Variants in TNNI3K observed in about 807,000 individuals in gnomAD.
The protein encoded by TNNI3K is serine/threonine-protein kinase TNNI3K.
TNNI3K carries 140 observed loss-of-function variants against 114.5 expected under a neutral mutation model. The observed-to-expected ratio is 1.22, with a 90% CI of 1.07 to 1.41. The LOEUF (loss-of-function observed/expected upper bound fraction) is 1.41. TNNI3K is among the 40% of genes most tolerant of loss of function. TNNI3K has a pLI of 0.00. For missense variants in TNNI3K, 1,125 were observed against 1,007.6 expected, an observed-to-expected ratio of 1.12 and a Z score of -1.58; for synonymous variants, 347 against 347.5, an observed-to-expected ratio of 1.00 and a Z score of 0.02.
At chr1:74,265,907 G>GA (rs35077290) in intron 4 of TNNI3K, among the ~76,000 whole-genome samples, 151,626 of 152,030 alleles carry the variant, frequency 1, 75,613 homozygotes, top group Middle Eastern at 1. Context: ...GAATGGAAGG[G>GA]AAAATACACA....
At chr1:74,471,878 A>C (rs1252686516) in intron 21 of TNNI3K, 3 of 454,582 alleles carry the variant, frequency 6.6e-6, no homozygotes, top group Non-Finnish European at 3.9e-6. Context: ...TAATCTTCAA[A>C]TTGCTCACAG....
At chr1:74,490,151 T>G (rs1668990069) in intron 22 of TNNI3K, among the ~76,000 whole-genome samples, 1 of 151,770 alleles carries the variant, frequency 6.6e-6, no homozygotes, top group Admixed American at 6.6e-5. Context: ...TGGCTCTGTC[T>G]CATGACTCTT....
chr1:74,250,054 A>G (rs530521950), intron 3 of TNNI3K, among the ~76,000 whole-genome samples: 3 of 152,224 alleles, frequency 2.0e-5, no homozygotes, highest in African/African-American at 4.8e-5. Context: ...GGCCTGTAAT[A>G]GCCACTCAGT....
chr1:74,523,644 G>T (rs999263247), intron 23 of TNNI3K, among the ~76,000 whole-genome samples: 2 of 152,194 alleles, frequency 1.3e-5, no homozygotes, highest in African/African-American at 4.8e-5. Context: ...CCTACTGTAT[G>T]CCAGGCCCTG....
intron 20 of TNNI3K, among the ~76,000 whole-genome samples, chr1:74,448,255 T>G (rs1477418961): frequency 1.2e-5 from 1 of 80,662 alleles, no homozygotes. Flanking sequence ...AAACTTAGAG[T>G]ATAATAAAAA....
chr1:74,337,908 G>A (rs971940806), intron 7 of TNNI3K, among the ~76,000 whole-genome samples: 1 of 151,998 alleles, frequency 6.6e-6, no homozygotes, highest in Non-Finnish European at 1.5e-5. Context: ...GTTTATGATT[G>A]CATGAATATA....
At chr1:74,348,108 T>C (rs1661120199) in intron 9 of TNNI3K, among the ~76,000 whole-genome samples, 2 of 152,144 alleles carry the variant, frequency 1.3e-5, no homozygotes, top group African/African-American at 4.8e-5. Context: ...CTAGGTTTTC[T>C]TCTAGGGTTT....
chr1:74,260,181 C>A (rs995257760), intron 4 of TNNI3K, among the ~76,000 whole-genome samples: 17 of 152,108 alleles, frequency 1.1e-4, no homozygotes, highest in Non-Finnish European at 2.1e-4. Context: ...TTTACATTAT[C>A]TTTTATTGTA....
At position 74,502,287 on chromosome 1, in the gene TNNI3K, T is replaced by G. The variant is rs72977502; in HGVS notation, c.2351+10021T>G. The stretch of plus-strand genomic sequence containing the variant: ...AGTACTTAGAACAGTGCCCGGTACA[T>G]GGTAGGTGCCAAACACCTATTTGTG... On this transcript the variant is annotated intron_variant, in intron 23 of 24. Coordinates refer to ENST00000326637, the MANE Select transcript of TNNI3K (RefSeq NM_015978.3). Among the ~76,000 whole-genome samples, 220 of 152,296 alleles carry G rather than the reference T, an allele frequency of 1.4e-3. 2 individuals carry two copies. The highest frequency in any genetic ancestry group is 5.0e-3 in the African/African-American group (206 of 41,550).
At chr1:74,342,071 T>A (rs1660772878) in intron 7 of TNNI3K, 1 of 152,164 alleles carries the variant, frequency 6.6e-6, no homozygotes, top group Non-Finnish European at 1.5e-5. Flanking sequence ...CTCTGCTATT[T>A]CTGTTCCCTA....
chr1:74,473,458 A>G (rs888820231), intron 21 of TNNI3K, among the ~76,000 whole-genome samples: 6 of 152,152 alleles, frequency 3.9e-5, no homozygotes, highest in African/African-American at 1.2e-4. Context: ...ATTCCATGAG[A>G]AAAAAGGAAA....
intron 24 of TNNI3K, among the ~76,000 whole-genome samples, chr1:74,543,055 T>C (rs1442087594): frequency 2.1e-5 from 3 of 141,398 alleles, no homozygotes; most frequent in African/African-American, 8.0e-5. Flanking sequence ...CTTTTCTTTT[T>C]CTTTTTCCCT....
Position 74,418,320 on chromosome 1 carries a change from G to A in TNNI3K, c.1773-17760G>A, listed in dbSNP as rs556574569. 1.0e-4 allele frequency: 23 copies of A among 219,946 alleles called. No individual in the cohort carries two copies. The South Asian group carries it at 1.1e-3, about 11-fold the overall frequency. The allele number at this position is 219,946 out of a possible 1,614,324, so 13.6% of individuals were successfully genotyped here. On this transcript the variant is annotated intron_variant, in intron 17 of 24. Coordinates refer to ENST00000326637, the MANE Select transcript of TNNI3K (RefSeq NM_015978.3). Reference sequence around the variant, plus strand: ...ATCAGCCATAGAAGCCTGCCTCTAGGACTCTGAAATAAAAAAGAGAAATAA... The same window carrying A: ...ATCAGCCATAGAAGCCTGCCTCTAGAACTCTGAAATAAAAAAGAGAAATAA...
intron 5 of TNNI3K, among the ~76,000 whole-genome samples, chr1:74,287,976 A>G (rs879561551): frequency 2.6e-5 from 4 of 152,188 alleles, no homozygotes; most frequent in Non-Finnish European, 4.4e-5. Flanking sequence ...GCCAAGAAGT[A>G]TATGAAAAAA....
At chr1:74,281,316 T>C (rs997536893) in intron 5 of TNNI3K, among the ~76,000 whole-genome samples, 4 of 139,260 alleles carry the variant, frequency 2.9e-5, no homozygotes, top group Non-Finnish European at 6.1e-5. Flanking sequence ...TGGATTATAC[T>C]ATCACCCACA....
intron 2 of TNNI3K, among the ~76,000 whole-genome samples, chr1:74,247,557 C>T (rs1441273043): frequency 6.6e-6 from 1 of 152,094 alleles, no homozygotes; most frequent in East Asian, 1.9e-4. Context: ...CTGATTGGTC[C>T]GTTTTACAGA....
At position 74,367,955 on chromosome 1, in the gene TNNI3K, A is replaced by G. The variant is rs770692472; in HGVS notation, c.1312A>G (p.Met438Val). ...VPSPLGKIKS[M>V]TKEKADILLL... ...ATCACCCTTGGGGAAGATTAAAAGC[A>G]TGACAAAAGGTACCTATAATCTGGG... Residue 438 changes from methionine to valine, a missense_variant, in exon 13 of 25, where the codon ATG (methionine) becomes GTG (valine). By Grantham distance (21) the Met-to-Val change is conservative (BLOSUM62 1). Transcript: ENST00000326637. The G allele has an allele frequency of 6.4e-7, 1 of 1,567,098 alleles. No individual in the cohort carries two copies. The highest frequency in any genetic ancestry group is 8.6e-7 in the Non-Finnish European group (1 of 1,161,938).
At chr1:74,515,297 C>T (rs1266616997) in intron 23 of TNNI3K, among the ~76,000 whole-genome samples, 1 of 152,130 alleles carries the variant, frequency 6.6e-6, no homozygotes, top group Non-Finnish European at 1.5e-5. Context: ...CAGTGCCCTT[C>T]CTGAGGGTCA....
At chr1:74,475,240 C>T in intron 21 of TNNI3K, 1 of 606,376 alleles carries the variant, frequency 1.6e-6, no homozygotes, top group Non-Finnish European at 3.0e-6. Flanking sequence ...AGGGAGGCTC[C>T]CTCCTTCAAA....
Sources: gnomAD v4.1 joint callset for allele counts (sites outside exome capture counted in the v4.1 genomes callset) on GRCh38, gnomAD v4.1.1 for gene constraint, MANE v1.5 for transcripts, NCBI Gene and HGNC (gene_info 2026-07-23, HGNC 2026-07-21) for gene names.